AGBL5: variants seen among roughly 807,000 people sequenced by gnomAD.
AGBL5 encodes the protein cytosolic carboxypeptidase-like protein 5.
AGBL5 carries 51 observed loss-of-function variants against 88.0 expected under a neutral mutation model. That is an observed-to-expected ratio of 0.58 (90% CI 0.46 to 0.73). The LOEUF (loss-of-function observed/expected upper bound fraction) is 0.73. Ranked by LOEUF, AGBL5 falls within the 30% of genes least tolerant of loss-of-function variation. AGBL5 has a pLI of 0.00. For synonymous variants in AGBL5, 446 were observed against 438.8 expected (o/e 1.02, Z -0.21); for missense variants, 1,031 against 1,162.2 (o/e 0.89, Z 1.64).
intron 11 of AGBL5, chr2:27,062,322 C>T (rs1225295618): frequency 6.6e-6 from 1 of 151,774 alleles, no homozygotes; most frequent in Non-Finnish European, 1.5e-5. Context: ...GACGGGGTTT[C>T]TCCATGTCGG....
At chr2:27,060,416 C>T (rs957826919) in intron 11 of AGBL5, among the ~76,000 whole-genome samples, 5 of 152,238 alleles carry the variant, frequency 3.3e-5, no homozygotes, top group Non-Finnish European at 2.9e-5. Flanking sequence ...ACCTGGATTG[C>T]GGAGGGGGAG....
intron 11 of AGBL5, among the ~76,000 whole-genome samples, chr2:27,063,246 G>T (rs911481776): frequency 6.6e-6 from 1 of 152,156 alleles, no homozygotes; most frequent in Admixed American, 6.5e-5. Flanking sequence ...CTTAGTAAGT[G>T]AACAGCAAGT....
intron 11 of AGBL5, among the ~76,000 whole-genome samples, chr2:27,065,250 G>A (rs1260204785): frequency 1.3e-5 from 2 of 152,118 alleles, no homozygotes; most frequent in Non-Finnish European, 2.9e-5. Flanking sequence ...GAGAGCATTT[G>A]GCACCTGCTG....
chr2:27,069,530 CATGGAAGA>C (rs1669169358), intron 13 of AGBL5, 35 bp from the exon 14 acceptor site: 1 of 1,594,356 alleles, frequency 6.3e-7, no homozygotes, highest in African/African-American at 1.4e-5. Context: ...GCAAAAAACT[CATGGAAGA>C]ATCCAGCCTC....
At chr2:27,057,040 G>A (rs1224109609) in intron 8 of AGBL5, 1 of 550,892 alleles carries the variant, frequency 1.8e-6, no homozygotes, top group Non-Finnish European at 3.1e-6. Context: ...GTGTTTGAGA[G>A]GGAGGGAACC....
intron 11 of AGBL5, among the ~76,000 whole-genome samples, chr2:27,064,914 T>C (rs1328240115): frequency 6.6e-6 from 1 of 151,784 alleles, no homozygotes; most frequent in African/African-American, 2.4e-5. Flanking sequence ...CCACCACGCC[T>C]GGCTAATTTT....
At chr2:27,056,858 T>C in intron 8 of AGBL5, 66 bp downstream of exon 8, 6 of 1,492,570 alleles carry the variant, frequency 4.0e-6, no homozygotes, top group Non-Finnish European at 5.4e-6. Flanking sequence ...TAGCTGGGTG[T>C]GGTGGTGCAT....
intron 12 of AGBL5, 48 bp from the exon 13 acceptor site, chr2:27,068,584 T>G: frequency 6.5e-7 from 1 of 1,544,926 alleles, no homozygotes; most frequent in Non-Finnish European, 8.9e-7. Context: ...GGAAGTTACC[T>G]CCTCTTCTCT....
intron 11 of AGBL5, among the ~76,000 whole-genome samples, chr2:27,065,419 C>T (rs961334162): frequency 2.0e-5 from 3 of 152,094 alleles, no homozygotes; most frequent in Non-Finnish European, 4.4e-5. Flanking sequence ...TAACTGTATG[C>T]CTTTAGACTC....
Position 27,057,371 on chromosome 2 carries a change from A to G in AGBL5, c.1604A>G (p.Asn535Ser), listed in dbSNP as rs141840349. The G allele has an allele frequency of 9.6e-5, 155 of 1,613,948 alleles. No individual in the cohort carries two copies. Among genetic ancestry groups the G allele is most frequent in the Non-Finnish European group, 1.3e-4 (149 of 1,179,984 alleles). ...AGCATCCCTGCTGCCTGCCATGACA[A>G]TGGGCGTGCCAGCCCCCCTCCCCCG... ...VNSIPAACHDNGRASPPPPPA... is the reference protein window; with the variant it reads ...VNSIPAACHDSGRASPPPPPA... Residue 535 changes from asparagine to serine, a missense_variant, in exon 9 of 15, where the codon AAT becomes AGT. This residue lies in a region of AGBL5 where 491 missense variants were observed against 484.0 expected (regional missense o/e 1.01). Transcript: ENST00000360131.
intron 11 of AGBL5, among the ~76,000 whole-genome samples, chr2:27,062,221 T>G (rs1668749634): frequency 6.7e-6 from 1 of 150,296 alleles, no homozygotes; most frequent in Non-Finnish European, 1.5e-5. Context: ...CCTCCCAAGT[T>G]CAAGTGATTA....
At position 27,068,429 on chromosome 2, in the gene AGBL5, AG is replaced by A. The variant is rs1267559190; in HGVS notation, c.2243-197del. On this transcript the variant is annotated intron_variant, in intron 12 of 14. Transcript: ENST00000360131. The stretch of plus-strand genomic sequence containing the variant: ...GACATTTTTGGTTGTTACACTGAGG[AG>A]GGGGGAGATGAGGAAACAGCATAAA... Among the ~76,000 whole-genome samples, 12 of 152,212 alleles carry A rather than the reference AG, an allele frequency of 7.9e-5. No homozygotes were observed. In the South Asian group the frequency reaches 8.3e-4, roughly 11 times the overall value.
intron 11 of AGBL5, chr2:27,061,852 A>C (rs1354970712): frequency 6.7e-6 from 1 of 150,142 alleles, no homozygotes; most frequent in Non-Finnish European, 1.5e-5. Flanking sequence ...TTCGCTCGTT[A>C]CCTAGGCTGG....
Position 27,055,057 on chromosome 2 carries a change from C to T in AGBL5, c.730-18C>T, listed in dbSNP as rs370112745. 7.4e-6 allele frequency: 12 copies of T among 1,610,904 alleles called. No individual in the cohort carries two copies. Among genetic ancestry groups the T allele is most frequent in the African/African-American group, 1.3e-5 (1 of 74,866 alleles). On this transcript the variant is annotated intron_variant, in intron 5 of 14. Transcript: ENST00000360131. ...TACAGGGTAACTGACTTAATGTCTG[C>T]TCTCCTCTCTACCTCAGATATTCTT...
rs1668955737 is a variant in AGBL5 at position 27,065,768 on chromosome 2, T to C, written c.2090-1726T>C. Among the ~76,000 whole-genome samples the C allele has an allele frequency of 2.0e-5, 3 of 152,230 alleles. No individual in the cohort carries two copies. In the South Asian group the frequency reaches 6.2e-4, roughly 32 times the overall value. On this transcript the variant is annotated intron_variant, in intron 11 of 14. Coordinates refer to ENST00000360131, the MANE Select transcript of AGBL5 (RefSeq NM_021831.6). ...AGCTTCAAGTAAGAGAGGTAACATTTGAGATGGGACATGAAAGATGGTCAT... is the reference window on the plus strand; with the variant it reads ...AGCTTCAAGTAAGAGAGGTAACATTCGAGATGGGACATGAAAGATGGTCAT...
chr2:27,070,359 A>G lies in AGBL5; in HGVS notation c.*96A>G. 7.6e-7 allele frequency: 1 copy of G among 1,324,216 alleles called. No individual in the cohort carries two copies. The highest frequency in any genetic ancestry group is 1.1e-6 in the Non-Finnish European group (1 of 934,060). 82.0% of individuals were successfully genotyped at this position (1,324,216 alleles called of 1,614,324 possible). ...CTCCAGGCCGCTGATTCCATGTGAC[A>G]GCCGTTAAGTCCTTGGAATGCCAGC... On this transcript the variant is annotated 3_prime_UTR_variant, in exon 15 of 15. Coordinates refer to ENST00000360131, the MANE Select transcript of AGBL5 (RefSeq NM_021831.6).
upstream of AGBL5, among the ~76,000 whole-genome samples, chr2:27,051,263 C>G (rs956909439): frequency 1.3e-5 from 2 of 152,158 alleles, no homozygotes; most frequent in Non-Finnish European, 2.9e-5. Flanking sequence ...CGAGAGGTAG[C>G]GGGATCGATG....
At chr2:27,061,396 C>A (rs1016646115) in intron 11 of AGBL5, among the ~76,000 whole-genome samples, 1 of 152,190 alleles carries the variant, frequency 6.6e-6, no homozygotes, top group Admixed American at 6.5e-5. Context: ...GCCACCACGT[C>A]TGGCTAATTT....
chr2:27,059,716 C>T lies in AGBL5; in HGVS notation c.2089+312C>T, dbSNP rs181462677. Among the ~76,000 whole-genome samples the T allele has an allele frequency of 2.6e-4, 39 of 152,276 alleles. No homozygotes were observed. In the East Asian group the frequency reaches 2.7e-3, roughly 11 times the overall value. On this transcript the variant is annotated intron_variant, in intron 11 of 14. Coordinates refer to ENST00000360131, the MANE Select transcript of AGBL5 (RefSeq NM_021831.6). ...AACAGGACATGGAGCCTCCACGTCACGGACAATGTCAGTCTGTCTTCATGG... is the reference window on the plus strand; with the variant it reads ...AACAGGACATGGAGCCTCCACGTCATGGACAATGTCAGTCTGTCTTCATGG...
Sources: gnomAD v4.1 joint callset for allele counts (sites outside exome capture counted in the v4.1 genomes callset) on GRCh38, gnomAD v4.1.1 for gene constraint, gnomAD v4.1.1 regional missense constraint, MANE v1.5 for transcripts, NCBI Gene and HGNC (gene_info 2026-07-23, HGNC 2026-07-21) for gene names.